Variants in KCNMA1 observed in about 807,000 individuals in gnomAD.
KCNMA1 encodes the protein potassium calcium-activated channel subfamily M alpha 1.
Under a neutral mutation model 140.0 loss-of-function variants are expected in KCNMA1, and 29 were observed. The ratio of observed to expected loss-of-function variants is 0.21; its 90% CI spans 0.15 to 0.28. The LOEUF (loss-of-function observed/expected upper bound fraction) is 0.28. KCNMA1 is among the 10% of genes least tolerant of loss of function. The pLI, the probability that KCNMA1 is intolerant of heterozygous loss-of-function variation, is 1.00. For synonymous variants in KCNMA1, 612 were observed against 611.9 expected (o/e 1.00, Z 0.00); for missense variants, 880 against 1,602.2 (o/e 0.55, Z 7.70).
chr10:77,445,371 C>CAGAG (rs1360034713), intron 1 of KCNMA1, among the ~76,000 whole-genome samples: 2 of 150,000 alleles, frequency 1.3e-5, no homozygotes, highest in African/African-American at 4.9e-5. Context: ...CACAGACACA[C>CAGAG]ACACACACAC....
chr10:76,886,446 G>A lies in KCNMA1; in HGVS notation c.*820C>T. The A allele has an allele frequency of 1.0e-6, 1 of 984,934 alleles. No individual in the cohort carries two copies. Among genetic ancestry groups the A allele is most frequent in the Non-Finnish European group, 1.2e-6 (1 of 829,602 alleles). The allele number at this position is 984,934 out of a possible 1,614,324, so 61.0% of individuals were successfully genotyped here. A position where few individuals can be genotyped will look rare whatever the true frequency, so the allele number is the denominator to read the frequency against. On this transcript the variant is annotated 3_prime_UTR_variant, in exon 28 of 28. Coordinates refer to ENST00000286628, the MANE Select transcript of KCNMA1 (RefSeq NM_001161352.2). ...TGTCAAAAGTGAAAGAAAAAAAATA[G>A]CTATTCATATGGCAACATAAGGAGA...
At position 76,889,649 on chromosome 10, in the gene KCNMA1, T is replaced by C. The variant is rs889969701; in HGVS notation, c.3343-80A>G. ...AAGGGACAGCAGGGAAACGGGTCTT[T>C]TCATCAAAGCTTGTTTTGGTGTCTC... is the stretch of plus-strand genomic sequence containing the variant. On this transcript the variant is annotated intron_variant, in intron 26 of 27. Coordinates refer to ENST00000286628, the MANE Select transcript of KCNMA1 (RefSeq NM_001161352.2). The C allele has an allele frequency of 2.7e-6, 3 of 1,116,814 alleles. No individual in the cohort carries two copies. The Admixed American group carries it at 5.1e-5, about 19-fold the overall frequency. The allele number at this position is 1,116,814 out of a possible 1,614,324, so 69.2% of individuals were successfully genotyped here. A position where few individuals can be genotyped will look rare whatever the true frequency, so the allele number is the denominator to read the frequency against.
chr10:77,016,367 G>A (rs1351797683), intron 17 of KCNMA1, among the ~76,000 whole-genome samples: 2 of 152,096 alleles, frequency 1.3e-5, no homozygotes, highest in Non-Finnish European at 2.9e-5. Flanking sequence ...AGCCCCACGA[G>A]AGTTGGGACT....
chr10:76,922,930 T>C (rs1439459837), intron 23 of KCNMA1, among the ~76,000 whole-genome samples: 2 of 152,216 alleles, frequency 1.3e-5, no homozygotes, highest in East Asian at 1.9e-4. Context: ...CATTTAAGGT[T>C]TCCTGCTTGT....
chr10:77,186,506 G>T (rs2098854626), intron 3 of KCNMA1, among the ~76,000 whole-genome samples: 1 of 152,104 alleles, frequency 6.6e-6, no homozygotes, highest in African/African-American at 2.4e-5. Flanking sequence ...AGCCTGCCAT[G>T]GCTCTAGGCC....
chr10:76,887,081 C>G lies in KCNMA1; in HGVS notation c.*185G>C. 6.5e-7 allele frequency: 1 copy of G among 1,532,946 alleles called. No homozygotes were observed. The highest frequency in any genetic ancestry group is 8.7e-7 in the Non-Finnish European group (1 of 1,144,520). 95.0% of individuals were successfully genotyped at this position (1,532,946 alleles called of 1,614,324 possible). A position where few individuals can be genotyped will look rare whatever the true frequency, so the allele number is the denominator to read the frequency against. ...GTCCGTCTGCTTATTTGCTGTTGTG[C>G]TCAAGGGTTTTATGGTGGTGAAATA... On this transcript the variant is annotated 3_prime_UTR_variant, in exon 28 of 28. Transcript: ENST00000286628.
At chr10:77,466,815 G>A (rs954211666) in intron 1 of KCNMA1, among the ~76,000 whole-genome samples, 3 of 151,936 alleles carry the variant, frequency 2.0e-5, no homozygotes, top group African/African-American at 4.8e-5. Context: ...GTTCTGTCAC[G>A]TGGGATGCTG....
At chr10:77,048,937 T>C (rs1306815039) in intron 14 of KCNMA1, among the ~76,000 whole-genome samples, 1 of 152,120 alleles carries the variant, frequency 6.6e-6, no homozygotes, top group African/African-American at 2.4e-5. Flanking sequence ...ATTTTGTTTT[T>C]GTATTTTTAG....
intron 2 of KCNMA1, among the ~76,000 whole-genome samples, chr10:77,275,405 T>C (rs2066371818): frequency 6.6e-6 from 1 of 152,136 alleles, no homozygotes; most frequent in African/African-American, 2.4e-5. Flanking sequence ...AAAAAAGTCA[T>C]TGAATGTTAC....
intron 1 of KCNMA1, among the ~76,000 whole-genome samples, chr10:77,422,836 G>A (rs903412772): frequency 2.0e-5 from 3 of 152,218 alleles, no homozygotes; most frequent in Non-Finnish European, 4.4e-5. Flanking sequence ...AAGATGCAAG[G>A]AAGGAGAAAC....
intron 17 of KCNMA1, chr10:77,012,305 T>A (rs2090982806): frequency 6.8e-7 from 1 of 1,463,316 alleles, no homozygotes; most frequent in South Asian, 1.5e-5. Flanking sequence ...GTTGCTGATG[T>A]GACACACTGT....
intron 2 of KCNMA1, among the ~76,000 whole-genome samples, chr10:77,271,662 A>G (rs1337619631): frequency 6.6e-6 from 1 of 152,184 alleles, no homozygotes; most frequent in African/African-American, 2.4e-5. Context: ...CCCCAGTTCA[A>G]TGGCTGCCAG....
intron 2 of KCNMA1, among the ~76,000 whole-genome samples, chr10:77,393,034 G>A (rs1270836044): frequency 2.0e-5 from 3 of 152,212 alleles, no homozygotes; most frequent in Non-Finnish European, 4.4e-5. Flanking sequence ...CCAGCTCAGG[G>A]AGGCTATATG....
chr10:77,321,016 G>A (rs565514526), intron 2 of KCNMA1, among the ~76,000 whole-genome samples: 1 of 152,272 alleles, frequency 6.6e-6, no homozygotes, highest in East Asian at 1.9e-4. Context: ...AAATATGTCT[G>A]ACTTGTATCC....
chr10:77,637,257 C>T lies in KCNMA1; in HGVS notation c.378+8G>A, dbSNP rs764122447. 1.3e-5 allele frequency: 21 copies of T among 1,598,502 alleles called. No homozygotes were observed. The highest frequency in any genetic ancestry group is 1.7e-5 in the Non-Finnish European group (20 of 1,170,684). ...GCGCAGAGGGCGGGCGCCCGGGGCG[C>T]GCGTTACCTTCGTCTTGCCCCCGCA... On this transcript the variant is annotated splice_region_variant and intron_variant, in intron 1 of 27. Coordinates refer to ENST00000286628, the MANE Select transcript of KCNMA1 (RefSeq NM_001161352.2).
intron 2 of KCNMA1, among the ~76,000 whole-genome samples, chr10:77,282,714 G>A (rs940014548): frequency 8.7e-6 from 1 of 115,254 alleles, no homozygotes; most frequent in African/African-American, 2.8e-5. Flanking sequence ...ACAACAAAGA[G>A]ATAGAAGCTC....
At chr10:77,395,552 A>G (rs1415433762) in intron 2 of KCNMA1, among the ~76,000 whole-genome samples, 2 of 152,242 alleles carry the variant, frequency 1.3e-5, no homozygotes, top group Non-Finnish European at 2.9e-5. Context: ...AATGCTGGGC[A>G]AAACAGAGCC....
chr10:77,079,599 G>A (rs201748144), intron 12 of KCNMA1, 49 bp from the exon 13 acceptor site: 57 of 1,289,618 alleles, frequency 4.4e-5, no homozygotes, highest in South Asian at 3.5e-5. Flanking sequence ...TATGCATGGT[G>A]TCTGACAAAA....
At chr10:77,442,666 C>T (rs1813137446) in intron 1 of KCNMA1, among the ~76,000 whole-genome samples, 1 of 152,150 alleles carries the variant, frequency 6.6e-6, no homozygotes, top group African/African-American at 2.4e-5. Flanking sequence ...TGGCACACAG[C>T]AAGTGCTTGC....
Sources: allele counts gnomAD v4.1 joint callset (sites outside exome capture counted in the v4.1 genomes callset), GRCh38; gene constraint gnomAD v4.1.1; transcripts MANE v1.5; gene names NCBI Gene and HGNC (gene_info 2026-07-23, HGNC 2026-07-21).